Variants in TXN2 observed in about 807,000 individuals in gnomAD.
The protein encoded by TXN2 is thioredoxin 2.
In TXN2, 12 loss-of-function variants were observed where a neutral mutation model predicts 14.6. The observed-to-expected ratio is 0.82, with a 90% CI of 0.53 to 1.33. The LOEUF is 1.33. Among genes scored for constraint, TXN2 ranks in the 40% most tolerant of loss-of-function variants. TXN2 has a pLI of 0.00. For missense variants in TXN2, 173 were observed against 207.7 expected (o/e 0.83, Z 1.03); for synonymous variants, 89 against 81.0 (o/e 1.10, Z -0.53).
At chr22:36,471,373 G>A (rs1352537322) in intron 3 of TXN2, among the ~76,000 whole-genome samples, 1 of 152,098 alleles carries the variant, frequency 6.6e-6, no homozygotes, top group African/African-American at 2.4e-5. Flanking sequence ...CGCCTGCACC[G>A]CCACTGAGCT....
At chr22:36,470,383 C>T (rs1238260195) in intron 3 of TXN2, among the ~76,000 whole-genome samples, 4 of 152,202 alleles carry the variant, frequency 2.6e-5, no homozygotes, top group African/African-American at 4.8e-5. Flanking sequence ...CTCCAGGAAG[C>T]GCCTGAAGCC....
At chr22:36,479,153 A>G (rs1268482571) in intron 2 of TXN2, among the ~76,000 whole-genome samples, 1 of 152,028 alleles carries the variant, frequency 6.6e-6, no homozygotes, top group Non-Finnish European at 1.5e-5. Flanking sequence ...AAAAACAAAA[A>G]CAACTCATAA....
chr22:36,477,277 G>A (rs966971321), intron 2 of TXN2, among the ~76,000 whole-genome samples: 1 of 152,076 alleles, frequency 6.6e-6, no homozygotes, highest in Non-Finnish European at 1.5e-5. Context: ...GCGCGATCTC[G>A]GCTCACTGCA....
intron 3 of TXN2, among the ~76,000 whole-genome samples, chr22:36,474,208 C>G (rs1933341401): frequency 6.6e-6 from 1 of 152,186 alleles, no homozygotes; most frequent in African/African-American, 2.4e-5. Flanking sequence ...ACCCCTCCCC[C>G]AGCCCCTGTA....
At chr22:36,468,005 G>T in intron 3 of TXN2, 88 bp from the exon 4 acceptor site, 1 of 1,146,750 alleles carries the variant, frequency 8.7e-7, no homozygotes, top group Non-Finnish European at 1.3e-6. Flanking sequence ...GAAGGCTGGT[G>T]GCTTATCCAG....
At chr22:36,476,998 T>C (rs1359001652) in intron 2 of TXN2, 142 bp from the exon 3 acceptor site, 5 of 1,389,826 alleles carry the variant, frequency 3.6e-6, no homozygotes, top group Non-Finnish European at 4.8e-6. Context: ...ACACACCAAA[T>C]GGTAATGCCA....
Position 36,476,716 on chromosome 22 carries a change from T to C in TXN2, c.387+17A>G. 1 of 1,614,030 alleles carries C rather than the reference T, an allele frequency of 6.2e-7. No individual in the cohort carries two copies. The highest frequency in any genetic ancestry group is 8.5e-7 in the Non-Finnish European group (1 of 1,179,988). On this transcript the variant is annotated intron_variant, in intron 3 of 3. Transcript: ENST00000216185. The stretch of plus-strand genomic sequence containing the variant: ...CCTATACTGGCTTCCCTGTGGCAAC[T>C]CCCTGTCAATCCATACCTCATACTC...
chr22:36,467,772 C>A lies in TXN2; in HGVS notation c.*32G>T. On this transcript the variant is annotated 3_prime_UTR_variant, in exon 4 of 4. Coordinates refer to ENST00000216185, the MANE Select transcript of TXN2 (RefSeq NM_012473.4). ...GGCTGAGTTCTATTGGGGTCCCACGCGGGCAAGGGAACCAGGACTCATCCC... is the reference window on the plus strand; with the variant it reads ...GGCTGAGTTCTATTGGGGTCCCACGAGGGCAAGGGAACCAGGACTCATCCC... 6.3e-7 allele frequency: 1 copy of A among 1,579,068 alleles called. No individual in the cohort carries two copies. The highest frequency in any genetic ancestry group is 8.7e-7 in the Non-Finnish European group (1 of 1,149,608).
chr22:36,473,310 G>A (rs1013134880), intron 3 of TXN2, among the ~76,000 whole-genome samples: 5 of 152,162 alleles, frequency 3.3e-5, no homozygotes, highest in African/African-American at 4.8e-5. Context: ...GGGCGTGGTC[G>A]TGGGCACCTG....
intron 3 of TXN2, among the ~76,000 whole-genome samples, chr22:36,469,425 T>C (rs993357258): frequency 5.3e-5 from 8 of 152,200 alleles, no homozygotes; most frequent in South Asian, 4.1e-4. Flanking sequence ...GGACTTCTAC[T>C]GGACAGCATG....
At chr22:36,470,508 C>T (rs1933251058) in intron 3 of TXN2, among the ~76,000 whole-genome samples, 1 of 152,204 alleles carries the variant, frequency 6.6e-6, no homozygotes, top group Admixed American at 6.5e-5. Context: ...CCGGCTCCCA[C>T]CTGCACACTG....
intron 3 of TXN2, among the ~76,000 whole-genome samples, chr22:36,471,094 T>A (rs1933264731): frequency 6.6e-6 from 1 of 152,210 alleles, no homozygotes; most frequent in South Asian, 2.1e-4. Flanking sequence ...TGTGTCTGGC[T>A]CACACATCAG....
chr22:36,474,823 C>T (rs1368866264), intron 3 of TXN2, among the ~76,000 whole-genome samples: 1 of 152,192 alleles, frequency 6.6e-6, no homozygotes, highest in African/African-American at 2.4e-5. Flanking sequence ...CCGTACTCGG[C>T]CCTTCACTCT....
At chr22:36,478,583 G>A (rs911962892) in intron 2 of TXN2, among the ~76,000 whole-genome samples, 4 of 152,102 alleles carry the variant, frequency 2.6e-5, no homozygotes, top group South Asian at 2.1e-4. Context: ...TCCGCCTCCC[G>A]GGTTCAAGCA....
chr22:36,480,923 G>A, intron 1 of TXN2, 86 bp from the exon 2 acceptor site: 1 of 1,409,154 alleles, frequency 7.1e-7, no homozygotes. Context: ...TCAGGGCTCA[G>A]GAAGAGGCAG....
chr22:36,481,003 C>T, intron 1 of TXN2, 166 bp from the exon 2 acceptor site: 4 of 733,542 alleles, frequency 5.5e-6, no homozygotes, highest in Non-Finnish European at 8.0e-6. Flanking sequence ...CAATGAGAAT[C>T]AAAGGGAAGG....
At position 36,476,779 on chromosome 22, in the gene TXN2, G is replaced by T. The variant is rs1313100928; in HGVS notation, c.341C>A (p.Ala114Asp). ...TGTGTGGTCATCAATATCCACCTTGGCCATCACCACCTTCCCGTGCTGCTT... is the reference window on the plus strand; with the variant it reads ...TGTGTGGTCATCAATATCCACCTTGTCCATCACCACCTTCCCGTGCTGCTT... Reference protein sequence around the residue: ...VAKQHGKVVMAKVDIDDHTDL... With the variant: ...VAKQHGKVVMDKVDIDDHTDL... Residue 114 changes from alanine to aspartate, a missense_variant, in exon 3 of 4, where the codon GCC (alanine) becomes GAC (aspartate). Ala to Asp is a moderately radical substitution (Grantham distance 126). Coordinates refer to ENST00000216185, the MANE Select transcript of TXN2 (RefSeq NM_012473.4). The T allele has an allele frequency of 6.2e-7, 1 of 1,613,998 alleles. No homozygotes were observed. Among genetic ancestry groups the T allele is most frequent in the Non-Finnish European group, 8.5e-7 (1 of 1,179,992 alleles).
In TXN2 at chr22:36,480,534, A is replaced by G. The variant is rs200537290; in HGVS notation, c.263+41T>C. The G allele has an allele frequency of 1.7e-4, 271 of 1,592,730 alleles. 1 individual carries two copies. The highest frequency in any genetic ancestry group is 2.2e-4 in the Non-Finnish European group (252 of 1,169,026). On this transcript the variant is annotated intron_variant, in intron 2 of 3. Coordinates refer to ENST00000216185, the MANE Select transcript of TXN2 (RefSeq NM_012473.4). ...CAGCAGGCATTCAATAAATACTTGA[A>G]CAAGTAGGACCCTAGTCTTCTGTGG...
chr22:36,473,321 T>C (rs1933320492), intron 3 of TXN2, among the ~76,000 whole-genome samples: 1 of 152,088 alleles, frequency 6.6e-6, no homozygotes, highest in Admixed American at 6.5e-5. Flanking sequence ...TGGGCACCTG[T>C]AATCCCAGCT....
Sources: gnomAD v4.1 joint callset for allele counts (sites outside exome capture counted in the v4.1 genomes callset) on GRCh38, gnomAD v4.1.1 for gene constraint, MANE v1.5 for transcripts, NCBI Gene and HGNC (gene_info 2026-07-23, HGNC 2026-07-21) for gene names.